Variants in LINC02747 observed in about 807,000 individuals in gnomAD.
LINC02747 encodes the protein CCND1-upstream intergenic DNA repair 2.
intron 1 of LINC02747, among the ~76,000 whole-genome samples, chr11:69,478,534 G>A (rs1857016693): frequency 6.6e-6 from 1 of 152,188 alleles, no homozygotes; most frequent in African/African-American, 2.4e-5. Flanking sequence ...TTTCACAAAG[G>A]AATATGTTCC....
chr11:69,480,833 C>T (rs1227741673), intron 1 of LINC02747, among the ~76,000 whole-genome samples: 1 of 152,206 alleles, frequency 6.6e-6, no homozygotes, highest in East Asian at 1.9e-4. Context: ...TGCCAAGGGC[C>T]TGCAGACAAC....
At chr11:69,480,609 C>A (rs575539157) in intron 1 of LINC02747, among the ~76,000 whole-genome samples, 1 of 152,346 alleles carries the variant, frequency 6.6e-6, no homozygotes, top group Admixed American at 6.5e-5. Flanking sequence ...CCTCAACCCT[C>A]TTCTCTGTGA....
rs553348994 is a variant in LINC02747 at position 69,481,068 on chromosome 11, A to C, written n.120+358T>G. 1.1e-4 allele frequency among the ~76,000 whole-genome samples: 16 copies of C among 152,332 alleles called. No individual in the cohort carries two copies. In the South Asian group the frequency reaches 1.7e-3, roughly 16 times the overall value. On this transcript the variant is annotated intron_variant and non_coding_transcript_variant, in intron 1 of 1. Coordinates refer to ENST00000645449, the Ensembl canonical transcript of LINC02747. ...GGTGGGGCTGTGCTGGCAATGCTGC[A>C]GACAGCATGTTTACACCAAGCACAG...
exon 2 of LINC02747, chr11:69,477,579 C>T (rs936600304): frequency 6.6e-6 from 1 of 152,188 alleles, no homozygotes; most frequent in Non-Finnish European, 1.5e-5. Context: ...CTCCGGGAGC[C>T]AAGAGGTCCT....
intron 1 of LINC02747, among the ~76,000 whole-genome samples, chr11:69,477,925 T>A (rs967384511): frequency 6.6e-6 from 1 of 152,068 alleles, no homozygotes; most frequent in Non-Finnish European, 1.5e-5. Flanking sequence ...CATCCAACCA[T>A]GTGCAGGGCC....
At chr11:69,477,906 C>T (rs552838305) in intron 1 of LINC02747, among the ~76,000 whole-genome samples, 19 of 152,252 alleles carry the variant, frequency 1.2e-4, no homozygotes, top group Non-Finnish European at 2.1e-4. Flanking sequence ...CCTTCCAGGA[C>T]GATCAGAGCA....
At chr11:69,477,944 C>G (rs1857011702) in intron 1 of LINC02747, among the ~76,000 whole-genome samples, 1 of 152,182 alleles carries the variant, frequency 6.6e-6, no homozygotes. Flanking sequence ...CCCTTCTGAG[C>G]CCGTGGCCCC....
intron 1 of LINC02747, among the ~76,000 whole-genome samples, chr11:69,479,112 G>A (rs1267472948): frequency 1.3e-5 from 2 of 151,344 alleles, no homozygotes; most frequent in African/African-American, 4.9e-5. Context: ...AAAAATTGAC[G>A]GGCATAATGG....
In LINC02747 at chr11:69,480,987, G is replaced by A. The variant is rs146742567; in HGVS notation, n.120+439C>T. Among the ~76,000 whole-genome samples, 54 of 152,282 alleles carry A rather than the reference G, an allele frequency of 3.5e-4. 1 individual carries two copies. The highest frequency in any genetic ancestry group is 3.3e-3 in the East Asian group (17 of 5,172). The stretch of plus-strand genomic sequence containing the variant: ...AGAGCCAGGCCTGAGTGCACAGCCC[G>A]CTAGCAACTGTGTAACAGGTGCCAG... On this transcript the variant is annotated intron_variant and non_coding_transcript_variant, in intron 1 of 1. Coordinates refer to ENST00000645449, the Ensembl canonical transcript of LINC02747.
intron 1 of LINC02747, among the ~76,000 whole-genome samples, chr11:69,477,799 G>T (rs1857010223): frequency 6.6e-6 from 1 of 152,156 alleles, no homozygotes; most frequent in South Asian, 2.1e-4. Flanking sequence ...TCCTGCCCAG[G>T]ACTTTTTAAG....
intron 1 of LINC02747, among the ~76,000 whole-genome samples, chr11:69,479,187 G>A (rs1050099753): frequency 1.3e-5 from 2 of 149,768 alleles, no homozygotes; most frequent in Non-Finnish European, 3.0e-5. Flanking sequence ...CCCAGGAGGC[G>A]GAGGTTGCAG....
intron 1 of LINC02747, chr11:69,481,304 A>G (rs1020443871): frequency 7.2e-5 from 11 of 152,276 alleles, no homozygotes; most frequent in African/African-American, 2.4e-4. Context: ...CCCCACCAGA[A>G]TCTCTCAGGC....
exon 2 of LINC02747, chr11:69,477,568 G>C (rs933745361): frequency 3.3e-5 from 5 of 152,190 alleles, no homozygotes; most frequent in African/African-American, 9.7e-5. Flanking sequence ...GAGAGAGAAG[G>C]CTCCGGGAGC....
rs937020689 is a variant in LINC02747 at position 69,480,220 on chromosome 11, C to T, written n.120+1206G>A. Among the ~76,000 whole-genome samples, 8 of 152,260 alleles carry T rather than the reference C, an allele frequency of 5.3e-5. No individual in the cohort carries two copies. The South Asian group carries it at 1.0e-3, about 20-fold the overall frequency. On this transcript the variant is annotated intron_variant and non_coding_transcript_variant, in intron 1 of 1. Transcript: ENST00000645449. ...GGCAGGGTGACATGGCGAGCCTGGG[C>T]CACACAGTGAGCCCAGGCCGGAGCC...
intron 1 of LINC02747, among the ~76,000 whole-genome samples, chr11:69,480,316 C>T (rs1461492593): frequency 2.6e-5 from 4 of 152,218 alleles, no homozygotes; most frequent in African/African-American, 9.6e-5. Flanking sequence ...AGGACCCCGT[C>T]AGCTTCCCAG....
At chr11:69,476,121 G>A (rs971979411) in exon 2 of LINC02747, 8 of 152,210 alleles carry the variant, frequency 5.3e-5, no homozygotes, top group African/African-American at 1.2e-4. Flanking sequence ...TCGGGGCCTG[G>A]GAAGGTTGAG....
intron 1 of LINC02747, chr11:69,479,551 G>A (rs1456092073): frequency 1.3e-5 from 2 of 152,206 alleles, no homozygotes; most frequent in East Asian, 1.9e-4. Context: ...ACAAAGGGGT[G>A]GAGTGGGCCA....
At chr11:69,480,345 T>C (rs1348841606) in intron 1 of LINC02747, among the ~76,000 whole-genome samples, 1 of 152,132 alleles carries the variant, frequency 6.6e-6, no homozygotes, top group Non-Finnish European at 1.5e-5. Flanking sequence ...CCCAGGAGTC[T>C]GTGCTGGCGT....
intron 1 of LINC02747, among the ~76,000 whole-genome samples, chr11:69,478,488 T>C (rs968275821): frequency 3.3e-5 from 5 of 152,226 alleles, no homozygotes; most frequent in African/African-American, 1.2e-4. Context: ...AGGGCTGGGC[T>C]GGCGTCTTCT....
Sources: allele counts gnomAD v4.1 joint callset (sites outside exome capture counted in the v4.1 genomes callset), GRCh38; gene constraint gnomAD v4.1.1; transcripts MANE v1.5; gene names NCBI Gene and HGNC (gene_info 2026-07-23, HGNC 2026-07-21).